Variants in CERS6 observed in about 807,000 individuals in gnomAD.
CERS6 encodes the protein ceramide synthase 6, also known as LAG1 homolog, ceramide synthase 6.
Under a neutral mutation model 56.8 loss-of-function variants are expected in CERS6, and 26 were observed. The observed-to-expected ratio is 0.46, with a 90% CI of 0.34 to 0.63. The LOEUF is 0.63. Ranked by LOEUF, CERS6 falls within the 30% of genes least tolerant of loss-of-function variation. The pLI, the probability that CERS6 is intolerant of heterozygous loss-of-function variation, is 0.01. For synonymous variants in CERS6, 164 were observed against 173.3 expected (o/e 0.95, Z 0.42); for missense variants, 415 against 467.5 (o/e 0.89, Z 1.04).
chr2:168,610,501 G>A (rs778506161), intron 3 of CERS6, among the ~76,000 whole-genome samples: 1 of 152,136 alleles, frequency 6.6e-6, no homozygotes, highest in Non-Finnish European at 1.5e-5. Context: ...CAAATAGAAT[G>A]TATTTGATTT....
At position 168,745,814 on chromosome 2, in the gene CERS6, G is replaced by A. The variant is rs574310493; in HGVS notation, c.846-19778G>A. Among the ~76,000 whole-genome samples, 19 of 152,246 alleles carry A rather than the reference G, an allele frequency of 1.2e-4. No homozygotes were observed. In the South Asian group the frequency reaches 1.7e-3, roughly 13 times the overall value. ...ATGTGGCGCTTCAGGGAGAGTGGGC[G>A]TCCCCAGCAGGCAGCCCCTCTCTTT... is the stretch of plus-strand genomic sequence containing the variant. On this transcript the variant is annotated intron_variant, in intron 8 of 9. Transcript: ENST00000305747.
At chr2:168,572,067 A>C (rs1216578455) in intron 3 of CERS6, among the ~76,000 whole-genome samples, 1 of 152,174 alleles carries the variant, frequency 6.6e-6, no homozygotes, top group Non-Finnish European at 1.5e-5. Flanking sequence ...CACTTGGTAC[A>C]CCATGACACA....
intron 1 of CERS6, among the ~76,000 whole-genome samples, chr2:168,480,568 C>T (rs1017929359): frequency 1.3e-5 from 2 of 152,094 alleles, no homozygotes; most frequent in Admixed American, 1.3e-4. Flanking sequence ...TATGTTAATT[C>T]CAAGTTCCGG....
intron 8 of CERS6, among the ~76,000 whole-genome samples, chr2:168,745,301 G>A (rs1312105875): frequency 1.3e-5 from 2 of 151,654 alleles, no homozygotes; most frequent in Non-Finnish European, 2.9e-5. Flanking sequence ...GAGTGCAGTG[G>A]CACAGTCTCG....
At chr2:168,502,905 A>G (rs1574027694) in intron 1 of CERS6, among the ~76,000 whole-genome samples, 1 of 152,198 alleles carries the variant, frequency 6.6e-6, no homozygotes, top group East Asian at 1.9e-4. Flanking sequence ...GGATTGGATA[A>G]GGGAGTCTCT....
intron 1 of CERS6, among the ~76,000 whole-genome samples, chr2:168,509,124 G>A (rs546853424): frequency 6.6e-6 from 1 of 152,210 alleles, no homozygotes; most frequent in South Asian, 2.1e-4. Flanking sequence ...TCTAATTTAA[G>A]GGTTGATTCT....
intron 3 of CERS6, among the ~76,000 whole-genome samples, chr2:168,570,090 T>C (rs1390400094): frequency 1.3e-5 from 2 of 152,148 alleles, no homozygotes; most frequent in African/African-American, 4.8e-5. Flanking sequence ...GAGGTGGCTC[T>C]GATGTCGATC....
At chr2:168,639,052 G>A (rs962147205) in intron 4 of CERS6, among the ~76,000 whole-genome samples, 3 of 151,754 alleles carry the variant, frequency 2.0e-5, no homozygotes, top group Admixed American at 2.0e-4. Flanking sequence ...AAAAAAAAAA[G>A]AACGCATGTC....
intron 4 of CERS6, among the ~76,000 whole-genome samples, chr2:168,670,966 TCCCCCCC>T (rs35335379): frequency 3.3e-5 from 1 of 30,518 alleles, no homozygotes; most frequent in Non-Finnish European, 1.3e-4. Context: ...GATACATGCT[TCCCCCCC>T]CCCCCCCAGA....
intron 4 of CERS6, among the ~76,000 whole-genome samples, chr2:168,638,334 A>G (rs908065903): frequency 2.0e-5 from 3 of 152,108 alleles, no homozygotes; most frequent in Non-Finnish European, 4.4e-5. Context: ...CAGACCATCT[A>G]TATACTATTC....
chr2:168,734,178 A>G lies in CERS6; in HGVS notation c.845+16200A>G, dbSNP rs560197038. ...TTATCCATGCAAGGGATTCTGGTATAGGAGGTGTGGGCGGTGAGCAAAAAG... is the reference window on the plus strand; with the variant it reads ...TTATCCATGCAAGGGATTCTGGTATGGGAGGTGTGGGCGGTGAGCAAAAAG... On this transcript the variant is annotated intron_variant, in intron 8 of 9. Transcript: ENST00000305747. Among the ~76,000 whole-genome samples the G allele has an allele frequency of 4.6e-5, 7 of 152,282 alleles. No homozygotes were observed. In the South Asian group the frequency reaches 1.5e-3, roughly 32 times the overall value.
chr2:168,666,916 C>G (rs1034834158), intron 4 of CERS6, among the ~76,000 whole-genome samples: 1 of 152,144 alleles, frequency 6.6e-6, no homozygotes, highest in African/African-American at 2.4e-5. Flanking sequence ...GTCAGCATGT[C>G]ATAATATTAA....
intron 1 of CERS6, among the ~76,000 whole-genome samples, chr2:168,542,821 A>G (rs1695396739): frequency 6.6e-6 from 1 of 152,032 alleles, no homozygotes; most frequent in Non-Finnish European, 1.5e-5. Flanking sequence ...CTCAGCTTCC[A>G]GAGTAGCTGG....
intron 4 of CERS6, among the ~76,000 whole-genome samples, chr2:168,645,177 AGAGAGAGAGAGAGT>A (rs1415228142): frequency 1.2e-4 from 15 of 128,224 alleles, no homozygotes; most frequent in African/African-American, 4.2e-4. Context: ...AGAGAGAGAG[AGAGAGAGAGAGAGT>A]AACTTCTAAA....
intron 2 of CERS6, among the ~76,000 whole-genome samples, chr2:168,557,387 A>G: frequency 6.6e-6 from 1 of 152,202 alleles, no homozygotes. Context: ...GAAAATACTA[A>G]CAGGGTTCCT....
Position 168,600,114 on chromosome 2 carries a change from G to A in CERS6, c.408-30871G>A, listed in dbSNP as rs115362958. 4.4e-3 allele frequency among the ~76,000 whole-genome samples: 668 copies of A among 151,490 alleles called. 8 individuals are homozygous for A. The highest frequency in any genetic ancestry group is 0.015 in the African/African-American group (622 of 41,276). On this transcript the variant is annotated intron_variant, in intron 3 of 9. Coordinates refer to ENST00000305747, the MANE Select transcript of CERS6 (RefSeq NM_203463.3). ...CCTTCCTCCTTTCCTTTCTCTCCAT[G>A]AACATTATAGGTGACAGTAGTGTCT...
At chr2:168,482,556 T>C (rs1694195771) in intron 1 of CERS6, among the ~76,000 whole-genome samples, 1 of 152,250 alleles carries the variant, frequency 6.6e-6, no homozygotes, top group African/African-American at 2.4e-5. Context: ...GCATAATTCA[T>C]GCAAAAAATT....
intron 2 of CERS6, among the ~76,000 whole-genome samples, chr2:168,557,671 C>G (rs985674215): frequency 2.0e-5 from 3 of 152,008 alleles, no homozygotes; most frequent in Non-Finnish European, 2.9e-5. Context: ...AATCAAAACC[C>G]TACATTTATT....
rs185356646 is a variant in CERS6 at position 168,745,821 on chromosome 2, G to A, written c.846-19771G>A. The stretch of plus-strand genomic sequence containing the variant: ...GCTTCAGGGAGAGTGGGCGTCCCCA[G>A]CAGGCAGCCCCTCTCTTTCTCTTCC... On this transcript the variant is annotated intron_variant, in intron 8 of 9. Coordinates refer to ENST00000305747, the MANE Select transcript of CERS6 (RefSeq NM_203463.3). Among the ~76,000 whole-genome samples, 252 of 152,278 alleles carry A rather than the reference G, an allele frequency of 1.7e-3. No homozygotes were observed. The Middle Eastern group carries it at 0.024, about 14-fold the overall frequency.
Sources: gnomAD v4.1 joint callset for allele counts (sites outside exome capture counted in the v4.1 genomes callset) on GRCh38, gnomAD v4.1.1 for gene constraint, MANE v1.5 for transcripts, NCBI Gene and HGNC (gene_info 2026-07-23, HGNC 2026-07-21) for gene names.